The following CADPS variants were observed in gnomAD, a reference collection of about 807,000 sequenced individuals.
CADPS encodes calcium dependent secretion activator, also known as calcium-dependent secretion activator 1.
CADPS carries 57 observed loss-of-function variants against 167.3 expected under a neutral mutation model. The observed-to-expected ratio is 0.34, with a 90% CI of 0.28 to 0.42. The LOEUF is 0.42. CADPS is among the 20% of genes least tolerant of loss of function. The pLI is 1.00. For missense variants in CADPS, 1,414 were observed against 1,738.1 expected (o/e 0.81, Z 3.32); for synonymous variants, 676 against 635.3 (o/e 1.06, Z -0.96).
intron 28 of CADPS, among the ~76,000 whole-genome samples, chr3:62,415,881 T>A (rs2049966328): frequency 6.6e-6 from 1 of 152,110 alleles, no homozygotes; most frequent in South Asian, 2.1e-4. Flanking sequence ...TGCAAGTTTC[T>A]CTTTCTTTCT....
chr3:62,406,188 G>A (rs1708427296), intron 28 of CADPS, among the ~76,000 whole-genome samples: 1 of 152,180 alleles, frequency 6.6e-6, no homozygotes, highest in African/African-American at 2.4e-5. Flanking sequence ...ATATCACATT[G>A]ATAGCTAGAA....
intron 1 of CADPS, among the ~76,000 whole-genome samples, chr3:62,794,286 T>G (rs2093204927): frequency 6.6e-6 from 1 of 152,136 alleles, no homozygotes; most frequent in Admixed American, 6.6e-5. Flanking sequence ...TTATAATAAT[T>G]AAGTAAGTAG....
At chr3:62,645,012 A>C (rs1442098395) in intron 6 of CADPS, among the ~76,000 whole-genome samples, 1 of 152,180 alleles carries the variant, frequency 6.6e-6, no homozygotes, top group Non-Finnish European at 1.5e-5. Flanking sequence ...CATTTGACTA[A>C]ATTGTATTGA....
intron 3 of CADPS, among the ~76,000 whole-genome samples, chr3:62,746,057 A>T (rs928548887): frequency 6.6e-6 from 1 of 152,188 alleles, no homozygotes; most frequent in Non-Finnish European, 1.5e-5. Context: ...CAAAGGTTAC[A>T]TTTAAAATGA....
rs181260177 is a variant in CADPS, at chr3:62,728,371, T to G, written c.888+25070A>C. On this transcript the variant is annotated intron_variant, in intron 3 of 29. Coordinates refer to ENST00000383710, the MANE Select transcript of CADPS (RefSeq NM_003716.4). ...CTTTAACAATCTGTTTACAACCTAA[T>G]TAGGAAAATTTTTTCTATATCTAAC... is the stretch of plus-strand genomic sequence containing the variant. Among the ~76,000 whole-genome samples, 259 of 151,912 alleles carry G rather than the reference T, an allele frequency of 1.7e-3. 7 individuals are homozygous for G. The highest frequency in any genetic ancestry group is 3.5e-3 in the South Asian group (17 of 4,812).
At chr3:62,863,088 C>G (rs1409038627) in intron 1 of CADPS, among the ~76,000 whole-genome samples, 1 of 152,178 alleles carries the variant, frequency 6.6e-6, no homozygotes, top group Non-Finnish European at 1.5e-5. Flanking sequence ...TTATTGAACA[C>G]CTATTATATA....
chr3:62,532,222 C>A (rs1170411701), intron 13 of CADPS, among the ~76,000 whole-genome samples: 1 of 152,156 alleles, frequency 6.6e-6, no homozygotes, highest in African/African-American at 2.4e-5. Flanking sequence ...TCAGGGAGGT[C>A]CTCCTTGCCA....
At chr3:62,502,987 C>T (rs2066020422) in intron 17 of CADPS, among the ~76,000 whole-genome samples, 1 of 151,876 alleles carries the variant, frequency 6.6e-6, no homozygotes, top group African/African-American at 2.4e-5. Flanking sequence ...GCTTTCTTGG[C>T]AATTCTTCAA....
intron 1 of CADPS, 40 bp from the exon 2 acceptor site, chr3:62,766,024 C>T (rs117601656): frequency 0.026 from 36,917 of 1,421,748 alleles, 648 homozygotes; most frequent in South Asian, 0.058. Flanking sequence ...GAGAACTTGT[C>T]CTAGACAAGG....
At chr3:62,779,562 G>T (rs1483678795) in intron 1 of CADPS, 2 of 532,588 alleles carry the variant, frequency 3.8e-6, no homozygotes, top group African/African-American at 3.9e-5. Context: ...CCTCTGCCAG[G>T]CTTATGGGAC....
intron 3 of CADPS, among the ~76,000 whole-genome samples, chr3:62,686,689 A>T (rs2078108328): frequency 6.6e-6 from 1 of 152,006 alleles, no homozygotes; most frequent in Non-Finnish European, 1.5e-5. Flanking sequence ...TGTCCTGTTT[A>T]TGGAATATAT....
intron 8 of CADPS, among the ~76,000 whole-genome samples, chr3:62,577,854 G>T (rs917063730): frequency 6.6e-6 from 1 of 152,092 alleles, no homozygotes; most frequent in Non-Finnish European, 1.5e-5. Context: ...TTGGCATTTA[G>T]GGATAACAAT....
intron 3 of CADPS, among the ~76,000 whole-genome samples, chr3:62,731,824 A>AGT (rs1256912751): frequency 1.4e-4 from 12 of 82,964 alleles, no homozygotes; most frequent in African/African-American, 9.9e-4. Context: ...AAAAAAAAAA[A>AGT]AAAAAAGTAA....
intron 1 of CADPS, among the ~76,000 whole-genome samples, chr3:62,811,687 T>C (rs1202610631): frequency 1.3e-5 from 2 of 152,204 alleles, no homozygotes; most frequent in Non-Finnish European, 2.9e-5. Flanking sequence ...AATGCTGTAA[T>C]TGGTAATTCA....
At chr3:62,563,241 G>A (rs1031758069) in intron 9 of CADPS, among the ~76,000 whole-genome samples, 8 of 152,196 alleles carry the variant, frequency 5.3e-5, no homozygotes, top group Non-Finnish European at 1.0e-4. Context: ...TAGAGCAATT[G>A]TGGAGTGGCA....
At chr3:62,401,415 C>A (rs1048366409) in intron 29 of CADPS, among the ~76,000 whole-genome samples, 2 of 152,190 alleles carry the variant, frequency 1.3e-5, no homozygotes, top group African/African-American at 4.8e-5. Context: ...ATTTCTGAAT[C>A]CTCCATCTGG....
At chr3:62,623,447 C>A (rs2063487771) in intron 6 of CADPS, among the ~76,000 whole-genome samples, 2 of 152,182 alleles carry the variant, frequency 1.3e-5, no homozygotes, top group Admixed American at 1.3e-4. Flanking sequence ...ACAATCCCTC[C>A]ATTTCCTCTG....
intron 1 of CADPS, among the ~76,000 whole-genome samples, chr3:62,789,820 A>C (rs1483479630): frequency 1.3e-5 from 2 of 152,200 alleles, no homozygotes; most frequent in Non-Finnish European, 2.9e-5. Flanking sequence ...ATTAACGTGT[A>C]TCAAGCCTTA....
At chr3:62,749,962 G>T (rs1313078319) in intron 3 of CADPS, among the ~76,000 whole-genome samples, 1 of 152,102 alleles carries the variant, frequency 6.6e-6, no homozygotes, top group African/African-American at 2.4e-5. Flanking sequence ...TATTTTAATA[G>T]TTGGGTTTCA....
Sources: gnomAD v4.1 joint callset for allele counts (sites outside exome capture counted in the v4.1 genomes callset) on GRCh38, gnomAD v4.1.1 for gene constraint, MANE v1.5 for transcripts, NCBI Gene and HGNC (gene_info 2026-07-23, HGNC 2026-07-21) for gene names.